ATR: variants seen among roughly 807,000 people sequenced by gnomAD.
ATR encodes the protein serine/threonine-protein kinase ATR.
In ATR, 142 loss-of-function variants were observed where a neutral mutation model predicts 305.3. The observed-to-expected ratio is 0.47, with a 90% CI of 0.41 to 0.53. ATR has a LOEUF of 0.53. Among genes scored for constraint, ATR ranks in the 20% least tolerant of loss-of-function variants. The pLI, the probability that ATR is intolerant of heterozygous loss-of-function variation, is 0.00. For synonymous variants in ATR, 1,050 were observed against 1,068.1 expected, an observed-to-expected ratio of 0.98 and a Z score of 0.33; for missense variants, 2,135 against 3,133.1, an observed-to-expected ratio of 0.68 and a Z score of 7.60.
intron 21 of ATR, among the ~76,000 whole-genome samples, 179 bp from the exon 22 acceptor site, chr3:142,524,378 T>C (rs1278780536): frequency 2.0e-5 from 3 of 152,336 alleles, no homozygotes; most frequent in African/African-American, 7.2e-5. Context: ...AGTTCAACAA[T>C]ATGTCCTGTA....
chr3:142,561,669 C>T (rs113891599), intron 4 of ATR, among the ~76,000 whole-genome samples: 7 of 152,142 alleles, frequency 4.6e-5, no homozygotes, highest in African/African-American at 1.7e-4. Flanking sequence ...TACCAAAATG[C>T]TATAAATTTT....
intron 46 of ATR, chr3:142,451,917 G>A: frequency 7.8e-7 from 1 of 1,284,532 alleles, no homozygotes; most frequent in Non-Finnish European, 1.0e-6. Context: ...GAATCCCTCA[G>A]TAAAAGGTAT....
intron 18 of ATR, among the ~76,000 whole-genome samples, 167 bp from the exon 19 acceptor site, chr3:142,538,792 C>T (rs946120456): frequency 2.0e-5 from 3 of 151,814 alleles, no homozygotes; most frequent in Non-Finnish European, 4.4e-5. Flanking sequence ...AAAGTGATGT[C>T]CAAATTATGT....
Position 142,457,589 on chromosome 3 carries a change from A to T in ATR, c.7655+15T>A. The T allele has an allele frequency of 6.2e-7, 1 of 1,613,550 alleles. No individual in the cohort carries two copies. The highest frequency in any genetic ancestry group is 8.5e-7 in the Non-Finnish European group (1 of 1,179,672). The stretch of plus-strand genomic sequence containing the variant: ...GAGGTTACTGTTAAATTATTTACAA[A>T]GTATAGGTGATTACCTCATTAAAGG... On this transcript the variant is annotated intron_variant, in intron 45 of 46. Coordinates refer to ENST00000350721, the MANE Select transcript of ATR (RefSeq NM_001184.4).
At position 142,534,818 on chromosome 3, in the gene ATR, T is replaced by C. The variant is rs1383653243; in HGVS notation, c.3945+262A>G. ...CTGCTGTATTATACAATTATATACA[T>C]GTTTACTTACGAAGATGCAGTAACC... On this transcript the variant is annotated intron_variant, in intron 21 of 46. Coordinates refer to ENST00000350721, the MANE Select transcript of ATR (RefSeq NM_001184.4). Among the ~76,000 whole-genome samples, 3 of 152,194 alleles carry C rather than the reference T, an allele frequency of 2.0e-5. No individual in the cohort carries two copies. In the South Asian group the frequency reaches 6.2e-4, roughly 31 times the overall value.
At chr3:142,529,713 T>A (rs1281006234) in intron 21 of ATR, among the ~76,000 whole-genome samples, 1 of 152,176 alleles carries the variant, frequency 6.6e-6, no homozygotes, top group East Asian at 1.9e-4. Flanking sequence ...TCATACTTTA[T>A]GACATTTTTT....
intron 21 of ATR, among the ~76,000 whole-genome samples, chr3:142,532,572 G>A (rs2033695165): frequency 6.6e-6 from 1 of 151,894 alleles, no homozygotes; most frequent in South Asian, 2.1e-4. Flanking sequence ...TGACTGTCTG[G>A]GACTACCCAT....
chr3:142,488,685 C>T (rs565783339), intron 35 of ATR, among the ~76,000 whole-genome samples: 8 of 152,196 alleles, frequency 5.3e-5, no homozygotes, highest in African/African-American at 1.9e-4. Context: ...TATACTACTA[C>T]TAACTTTTTA....
At chr3:142,575,001 G>A (rs2035391153) in intron 1 of ATR, among the ~76,000 whole-genome samples, 1 of 152,148 alleles carries the variant, frequency 6.6e-6, no homozygotes, top group South Asian at 2.1e-4. Context: ...TGTAAGCACT[G>A]AAGGATTTTA....
intron 28 of ATR, among the ~76,000 whole-genome samples, chr3:142,507,713 T>TC (rs2032328501): frequency 6.6e-6 from 1 of 152,146 alleles, no homozygotes; most frequent in Non-Finnish European, 1.5e-5. Flanking sequence ...CGCTTCCATC[T>TC]CCCACCCTAT....
rs1559999109 is a variant in ATR, at chr3:142,562,949, T to C, written c.453A>G (p.Gln151=). ...GGAGGTAAACCAAGTCTTCAAAAAG[T>C]TGTAATAATTCTTTTGTGAGTACCC... ...IFGVLTKELL[Q]LFEDLVYLHR... is the part of the protein sequence containing the mutation. Residue 151 remains glutamine, a synonymous_variant, in exon 4 of 47, where the codon CAA becomes CAG. Coordinates refer to ENST00000350721, the MANE Select transcript of ATR (RefSeq NM_001184.4). 8 of 1,612,952 alleles carry C rather than the reference T, an allele frequency of 5.0e-6. No homozygotes were observed. The highest frequency in any genetic ancestry group is 1.3e-5 in the African/African-American group (1 of 74,980).
At chr3:142,526,240 G>A (rs766373121) in intron 21 of ATR, among the ~76,000 whole-genome samples, 27 of 152,044 alleles carry the variant, frequency 1.8e-4, no homozygotes, top group Non-Finnish European at 3.1e-4. Flanking sequence ...CTGTGGTCAA[G>A]TTAGTTTTAT....
chr3:142,465,062 T>A lies in ATR; in HGVS notation c.7041+35A>T, dbSNP rs778347175. 4 of 1,299,306 alleles carry A rather than the reference T, an allele frequency of 3.1e-6. No individual in the cohort carries two copies. The South Asian group carries it at 6.9e-5, about 23-fold the overall frequency. 80.5% of individuals were successfully genotyped at this position (1,299,306 alleles called of 1,614,324 possible). ...TCAAAAATTTTTTTAAAATAAAAAA[T>A]AAATAAATAAAATAAAAGCAAACTA... On this transcript the variant is annotated intron_variant, in intron 41 of 46. Coordinates refer to ENST00000350721, the MANE Select transcript of ATR (RefSeq NM_001184.4).
chr3:142,479,640 G>C (rs2030260992), intron 36 of ATR, among the ~76,000 whole-genome samples: 1 of 152,132 alleles, frequency 6.6e-6, no homozygotes, highest in African/African-American at 2.4e-5. Context: ...GGCCTGCCTT[G>C]CTAGGTTGGG....
chr3:142,552,183 G>A (rs573070203), intron 13 of ATR, among the ~76,000 whole-genome samples: 63 of 152,286 alleles, frequency 4.1e-4, no homozygotes, highest in African/African-American at 1.3e-3. Context: ...CTTTTATACC[G>A]TTGGTGGGAG....
chr3:142,552,823 T>C (rs752654403), intron 13 of ATR, among the ~76,000 whole-genome samples: 5 of 152,066 alleles, frequency 3.3e-5, no homozygotes, highest in Non-Finnish European at 5.9e-5. Flanking sequence ...ATGAATGGAA[T>C]TGGAAGCCAT....
At chr3:142,550,638 C>T (rs2034439887) in intron 13 of ATR, among the ~76,000 whole-genome samples, 1 of 152,170 alleles carries the variant, frequency 6.6e-6, no homozygotes, top group Non-Finnish European at 1.5e-5. Context: ...AAACAGTTTA[C>T]TATCACTAAA....
At chr3:142,559,800 G>A (rs1161284176) in intron 6 of ATR, among the ~76,000 whole-genome samples, 1 of 152,138 alleles carries the variant, frequency 6.6e-6, no homozygotes, top group Non-Finnish European at 1.5e-5. Flanking sequence ...AGCTACATGG[G>A]AGGCTCACTT....
At chr3:142,561,556 A>G (rs1046660137) in intron 4 of ATR, 135 bp from the exon 5 acceptor site, 1 of 853,260 alleles carries the variant, frequency 1.2e-6, no homozygotes, top group African/African-American at 1.7e-5. Context: ...AGCAAAATAA[A>G]CATCTAAATT....
Sources: gnomAD v4.1 joint callset for allele counts (sites outside exome capture counted in the v4.1 genomes callset) on GRCh38, gnomAD v4.1.1 for gene constraint, MANE v1.5 for transcripts, NCBI Gene and HGNC (gene_info 2026-07-23, HGNC 2026-07-21) for gene names.